The following ZCCHC14 variants were observed in gnomAD, a reference collection of about 807,000 sequenced individuals.
ZCCHC14 encodes zinc finger CCHC domain-containing protein 14.
A neutral mutation model predicts 85.0 loss-of-function variants in ZCCHC14; 16 were observed. That is an observed-to-expected ratio of 0.19 (90% CI 0.13 to 0.29). The LOEUF is 0.29. ZCCHC14 is among the 10% of genes least tolerant of loss of function. ZCCHC14 has a pLI of 1.00. For synonymous variants in ZCCHC14, 775 were observed against 630.7 expected (o/e 1.23, Z -3.43); for missense variants, 1,303 against 1,443.5 (o/e 0.90, Z 1.58).
At chr16:87,424,403 G>T (rs914762748) in intron 3 of ZCCHC14, among the ~76,000 whole-genome samples, 1 of 152,120 alleles carries the variant, frequency 6.6e-6, no homozygotes, top group Admixed American at 6.5e-5. Flanking sequence ...CAACAGGACA[G>T]GGCAGTGATC....
At chr16:87,410,682 G>A (rs1037515598) in intron 12 of ZCCHC14, among the ~76,000 whole-genome samples, 4 of 152,238 alleles carry the variant, frequency 2.6e-5, no homozygotes, top group Non-Finnish European at 4.4e-5. Flanking sequence ...CCGTGCCTCT[G>A]GAGATGCAGC....
chr16:87,481,526 C>CTGG (rs1892658109), intron 1 of ZCCHC14, among the ~76,000 whole-genome samples: 4 of 2,430 alleles, frequency 1.6e-3, no homozygotes, highest in Non-Finnish European at 3.2e-3. Context: ...GGGAGAGAAA[C>CTGG]GGGGGGGGGG....
chr16:87,433,004 T>C (rs1909738916), intron 3 of ZCCHC14, 124 bp downstream of exon 3: 6 of 794,244 alleles, frequency 7.6e-6, no homozygotes, highest in African/African-American at 2.0e-5. Flanking sequence ...GCCAGCTTCC[T>C]ATACAGCACT....
chr16:87,438,318 T>C (rs1910028855), intron 2 of ZCCHC14, among the ~76,000 whole-genome samples: 1 of 152,276 alleles, frequency 6.6e-6, no homozygotes, highest in Admixed American at 6.5e-5. Context: ...TTCCTTTCTA[T>C]GCATGTACAA....
At chr16:87,467,792 C>T in intron 1 of ZCCHC14, 1 of 479,218 alleles carries the variant, frequency 2.1e-6, no homozygotes, top group Non-Finnish European at 3.8e-6. Flanking sequence ...GCTGGGACTA[C>T]AGGCGCGCAC....
At chr16:87,485,966 A>G (rs1327957077) in intron 1 of ZCCHC14, among the ~76,000 whole-genome samples, 1 of 152,232 alleles carries the variant, frequency 6.6e-6, no homozygotes, top group Non-Finnish European at 1.5e-5. Flanking sequence ...ATACCATCGT[A>G]TTACTCATCA....
At chr16:87,476,783 C>G (rs1912024382) in intron 1 of ZCCHC14, among the ~76,000 whole-genome samples, 1 of 151,734 alleles carries the variant, frequency 6.6e-6, no homozygotes, top group African/African-American at 2.4e-5. Context: ...ATTCTCTGGG[C>G]TGACGGTCAT....
chr16:87,469,518 G>A (rs1438628793), intron 1 of ZCCHC14, among the ~76,000 whole-genome samples: 4 of 152,228 alleles, frequency 2.6e-5, no homozygotes, highest in Non-Finnish European at 5.9e-5. Context: ...TCCACACAGG[G>A]CAGCCCCTGT....
chr16:87,423,976 G>T, intron 3 of ZCCHC14, 95 bp from the exon 4 acceptor site: 1 of 1,367,346 alleles, frequency 7.3e-7, no homozygotes, highest in Non-Finnish European at 1.0e-6. Flanking sequence ...ACGTTCAGTC[G>T]GCAGCTGAGC....
At chr16:87,434,993 A>C (rs1909847711) in intron 2 of ZCCHC14, among the ~76,000 whole-genome samples, 1 of 7,798 alleles carries the variant, frequency 1.3e-4, no homozygotes, top group Non-Finnish European at 4.8e-4. Flanking sequence ...TTCGCCTCAA[A>C]AAAAAAAAAA....
At chr16:87,457,824 C>CA (rs1361333580) in intron 2 of ZCCHC14, among the ~76,000 whole-genome samples, 2 of 152,164 alleles carry the variant, frequency 1.3e-5, no homozygotes, top group East Asian at 3.8e-4. Context: ...CTAAGAAAAC[C>CA]AAGTTAACTC....
chr16:87,478,538 G>C (rs1912126050), intron 1 of ZCCHC14, among the ~76,000 whole-genome samples: 1 of 152,114 alleles, frequency 6.6e-6, no homozygotes, highest in African/African-American at 2.4e-5. Context: ...TCCGGGTAGA[G>C]TTTACACACC....
chr16:87,465,128 T>A (rs1207218125), intron 1 of ZCCHC14, among the ~76,000 whole-genome samples: 4 of 152,202 alleles, frequency 2.6e-5, no homozygotes, highest in Non-Finnish European at 5.9e-5. Context: ...GCCCTGGCTG[T>A]CCCCTCTGCC....
At chr16:87,431,117 G>A (rs886620010) in intron 3 of ZCCHC14, among the ~76,000 whole-genome samples, 2 of 150,644 alleles carry the variant, frequency 1.3e-5, no homozygotes, top group African/African-American at 2.4e-5. Flanking sequence ...CCAGCCTGGT[G>A]ACAGAGCAAG....
chr16:87,461,545 T>C (rs1340217260), intron 1 of ZCCHC14, among the ~76,000 whole-genome samples: 1 of 152,230 alleles, frequency 6.6e-6, no homozygotes, highest in Non-Finnish European at 1.5e-5. Context: ...CTCTCCAGCC[T>C]CCACTTGTTC....
Position 87,411,135 on chromosome 16 carries a change from G to A in ZCCHC14, c.3205+381C>T, listed in dbSNP as rs921599162. Among the ~76,000 whole-genome samples, 19 of 152,354 alleles carry A rather than the reference G, an allele frequency of 1.2e-4. No individual in the cohort carries two copies. The East Asian group carries it at 3.5e-3, about 28-fold the overall frequency. On this transcript the variant is annotated intron_variant, in intron 12 of 12. Transcript: ENST00000671377. ...GGCAGGGAGGGGCAGAGGGGACAGCGAGCCCCACCCCAGAGGGTCCGGAAT... is the reference window on the plus strand; with the variant it reads ...GGCAGGGAGGGGCAGAGGGGACAGCAAGCCCCACCCCAGAGGGTCCGGAAT...
chr16:87,491,469 T>C lies in ZCCHC14; in HGVS notation c.570+200A>G, dbSNP rs1159183835. ...AGGCTTGGAGAGGTGGGGCACACATTTGGGGTGCGACATAGAGGCTTAGGA... is the reference window on the plus strand; with the variant it reads ...AGGCTTGGAGAGGTGGGGCACACATCTGGGGTGCGACATAGAGGCTTAGGA... On this transcript the variant is annotated intron_variant, in intron 1 of 12. Coordinates refer to ENST00000671377, the MANE Select transcript of ZCCHC14 (RefSeq NM_015144.3). The surrounding 1 kb of genome is among the most constrained non-coding windows in gnomAD (Gnocchi z 5.9). Among the ~76,000 whole-genome samples the C allele has an allele frequency of 6.6e-6, 1 of 151,454 alleles. No homozygotes were observed. The highest frequency in any genetic ancestry group is 1.9e-4 in the East Asian group (1 of 5,144).
At position 87,492,303 on chromosome 16, in the gene ZCCHC14, G is replaced by C; in HGVS notation, c.-65C>G. ...CGCGCGGGGGCGGCCGGGGGGCGCCGGGGGCCGCGGCCGGGGCGCGCCGGG... is the reference window on the plus strand; with the variant it reads ...CGCGCGGGGGCGGCCGGGGGGCGCCCGGGGCCGCGGCCGGGGCGCGCCGGG... On this transcript the variant is annotated 5_prime_UTR_variant, in exon 1 of 13. Coordinates refer to ENST00000671377, the MANE Select transcript of ZCCHC14 (RefSeq NM_015144.3). The surrounding 1 kb of genome is among the most constrained non-coding windows in gnomAD (Gnocchi z 6.7). 1.1e-6 allele frequency: 1 copy of C among 885,796 alleles called. No homozygotes were observed. The highest frequency in any genetic ancestry group is 1.3e-6 in the Non-Finnish European group (1 of 742,926). 54.9% of individuals were successfully genotyped at this position (885,796 alleles called of 1,614,324 possible). A position where few individuals can be genotyped will look rare whatever the true frequency, so the allele number is the denominator to read the frequency against.
In ZCCHC14 at chr16:87,492,303, G is replaced by A. The variant is rs1284339537; in HGVS notation, c.-65C>T. 2 of 885,792 alleles carry A rather than the reference G, an allele frequency of 2.3e-6. No individual in the cohort carries two copies. Among genetic ancestry groups the A allele is most frequent in the African/African-American group, 1.8e-5 (1 of 54,558 alleles). 54.9% of individuals were successfully genotyped at this position (885,792 alleles called of 1,614,324 possible). A position where few individuals can be genotyped will look rare whatever the true frequency, so the allele number is the denominator to read the frequency against. On this transcript the variant is annotated 5_prime_UTR_variant, in exon 1 of 13. Transcript: ENST00000671377. This position sits in a 1 kb window ranked among gnomAD's most constrained non-coding sequence, Gnocchi z 6.7. Reference sequence around the variant, plus strand: ...CGCGCGGGGGCGGCCGGGGGGCGCCGGGGGCCGCGGCCGGGGCGCGCCGGG... The same window carrying A: ...CGCGCGGGGGCGGCCGGGGGGCGCCAGGGGCCGCGGCCGGGGCGCGCCGGG...
Sources: gnomAD v4.1 joint callset for allele counts (sites outside exome capture counted in the v4.1 genomes callset) on GRCh38, gnomAD v4.1.1 for gene constraint, Gnocchi (gnomAD v3.1) non-coding constraint, MANE v1.5 for transcripts, NCBI Gene and HGNC (gene_info 2026-07-23, HGNC 2026-07-21) for gene names.